UNC13D: variants seen among roughly 807,000 people sequenced by gnomAD.
UNC13D encodes protein unc-13 homolog D.
Under a neutral mutation model 151.7 loss-of-function variants are expected in UNC13D, and 115 were observed. The observed-to-expected ratio is 0.76, with a 90% CI of 0.65 to 0.88. UNC13D has a LOEUF of 0.88. Among genes scored for constraint, UNC13D ranks in the 40% least tolerant of loss-of-function variants. UNC13D has a pLI of 0.00. For synonymous variants in UNC13D, 588 were observed against 612.2 expected, an observed-to-expected ratio of 0.96 and a Z score of 0.58; for missense variants, 1,369 against 1,438.7, an observed-to-expected ratio of 0.95 and a Z score of 0.78.
In UNC13D at chr17:75,833,059, T is replaced by C. The variant is rs1478879357; in HGVS notation, c.2368-14A>G. 2 of 1,599,544 alleles carry C rather than the reference T, an allele frequency of 1.3e-6. No individual in the cohort carries two copies. Among genetic ancestry groups the C allele is most frequent in the Non-Finnish European group, 1.7e-6 (2 of 1,174,144 alleles). ...GGGCAGAATGGCCTGGGGAGGGAGATGGGGAGCAGGTGTGGCTCCGGCCCA... is the reference window on the plus strand; with the variant it reads ...GGGCAGAATGGCCTGGGGAGGGAGACGGGGAGCAGGTGTGGCTCCGGCCCA... On this transcript the variant is annotated splice_polypyrimidine_tract_variant and intron_variant, in intron 24 of 31. Coordinates refer to ENST00000207549, the MANE Select transcript of UNC13D (RefSeq NM_199242.3). The surrounding 1 kb of genome is among the most constrained non-coding windows in gnomAD (Gnocchi z 4.0).
At chr17:75,838,052 A>C (rs1397084220) in intron 12 of UNC13D, among the ~76,000 whole-genome samples, 5 of 151,970 alleles carry the variant, frequency 3.3e-5, no homozygotes, top group Non-Finnish European at 7.4e-5. Context: ...CTTGTCTCCG[A>C]ATCACCCACC....
rs749317896 is a variant in UNC13D, at chr17:75,836,604, C to G, written c.1266G>C (p.Ser422=). The G allele has an allele frequency of 6.2e-7, 1 of 1,613,710 alleles. No homozygotes were observed. The highest frequency in any genetic ancestry group is 8.5e-7 in the Non-Finnish European group (1 of 1,180,006). Residue 422 remains serine, a synonymous_variant, in exon 14 of 32, where the codon TCG becomes TCC. Coordinates refer to ENST00000207549, the MANE Select transcript of UNC13D (RefSeq NM_199242.3). ...GAGACTGCAGCCGGGCTGGGGAGTC[C>G]GAGACAGAGAGGGGGAAGACAGAGC... ...RFRSVFPLSV[S]DSPARLQSLL...
At chr17:75,829,863 CCACCA>C in intron 30 of UNC13D, 160 bp downstream of exon 30, 2 of 1,098,360 alleles carry the variant, frequency 1.8e-6, no homozygotes, top group East Asian at 5.3e-5. Context: ...CAGGTGTGAG[CCACCA>C]CATCCAGCTG....
In UNC13D at chr17:75,830,454, G is replaced by A. The variant is rs1331683767; in HGVS notation, c.2738C>T (p.Ala913Val). The A allele has an allele frequency of 1.3e-6, 2 of 1,588,242 alleles. No individual in the cohort carries two copies. Among genetic ancestry groups the A allele is most frequent in the Non-Finnish European group, 1.7e-6 (2 of 1,168,080 alleles). ...QAETTSEELG[A>V]VTVKASYRAS... Reference sequence around the variant, plus strand: ...GCGGTAGGAGGCCTTGACTGTCACAGCCCCCAGCTCCTCAGAGGTGGTTTC... The same window carrying A: ...GCGGTAGGAGGCCTTGACTGTCACAACCCCCAGCTCCTCAGAGGTGGTTTC... The change falls in exon 29 of 32, where the codon GCT (alanine) becomes GTT (valine). Residue 913 changes from alanine (A) to valine (V), a missense_variant. Physicochemically the swap from Ala to Val is moderately conservative, Grantham distance 64 (BLOSUM62 0). Transcript: ENST00000207549.
Position 75,832,833 on chromosome 17 carries a change from G to C in UNC13D, c.2447+133C>G, listed in dbSNP as rs1330787635. On this transcript the variant is annotated intron_variant, in intron 25 of 31. Coordinates refer to ENST00000207549, the MANE Select transcript of UNC13D (RefSeq NM_199242.3). The surrounding 1 kb of genome is among the most constrained non-coding windows in gnomAD (Gnocchi z 4.3). ...AGGAAAGAGGGGCCGTGGGAGGAGA[G>C]GGGGAGGTGGCGAGCGCGCCCAGGG... 1.4e-5 allele frequency: 11 copies of C among 788,466 alleles called. No homozygotes were observed. The highest frequency in any genetic ancestry group is 2.1e-5 in the Non-Finnish European group (10 of 471,996). 48.8% of individuals were successfully genotyped at this position (788,466 alleles called of 1,614,324 possible).
In UNC13D at chr17:75,836,570, A is replaced by C. The variant is rs1030766172; in HGVS notation, c.1298+2T>G. On this transcript the variant is annotated splice_donor_variant, in intron 14 of 31. Coordinates refer to ENST00000207549, the MANE Select transcript of UNC13D (RefSeq NM_199242.3). LOFTEE classifies it high-confidence loss of function. The stretch of plus-strand genomic sequence containing the variant: ...CCGAGGAAGAGGAAGGCAGCCACTG[A>C]CCTGAGAAGAGACTGCAGCCGGGCT... 1 of 1,613,574 alleles carries C rather than the reference A, an allele frequency of 6.2e-7. No homozygotes were observed. The highest frequency in any genetic ancestry group is 2.2e-5 in the East Asian group (1 of 44,874).
Position 75,836,378 on chromosome 17 carries a change from G to A in UNC13D, c.1350C>T (p.Asn450=). ...KMKAFGELCP[N]TAPLPQLVTE... is the part of the protein sequence containing the mutation. ...TCACCAGCTGGGGCAATGGGGCGGT[G>A]TTGGGGCACAGTTCTCCAAAGGCCT... Residue 450 remains asparagine, a synonymous_variant, in exon 15 of 32, where the codon AAC becomes AAT. Transcript: ENST00000207549. 6.2e-7 allele frequency: 1 copy of A among 1,613,966 alleles called. No individual in the cohort carries two copies. The highest frequency in any genetic ancestry group is 1.3e-5 in the African/African-American group (1 of 75,076).
rs778351366 is a variant in UNC13D at position 75,828,017 on chromosome 17, C to T, written c.3221G>A (p.Arg1074Gln). 41 of 1,592,886 alleles carry T rather than the reference C, an allele frequency of 2.6e-5. No homozygotes were observed. The highest frequency in any genetic ancestry group is 1.7e-4 in the Middle Eastern group (1 of 5,812). ...DREAQVFVRL[R>Q]RHRAKQASQH... ...GGAGGCCTGCTTGGCCCGGTGCCGC[C>T]GCAGCCTCACAAAGACCTGGGCTTC... Residue 1074 changes from arginine (R) to glutamine (Q), a missense_variant, in exon 32 of 32, where the codon CGG (arginine) becomes CAG (glutamine). Coordinates refer to ENST00000207549, the MANE Select transcript of UNC13D (RefSeq NM_199242.3).
Position 75,840,502 on chromosome 17 carries a change from C to T in UNC13D, c.753+5G>A, listed in dbSNP as rs1463088201. On this transcript the variant is annotated splice_donor_5th_base_variant and intron_variant, in intron 9 of 31. Transcript: ENST00000207549. The surrounding 1 kb of genome is among the most constrained non-coding windows in gnomAD (Gnocchi z 4.6). ...CTCCTGGGCCCCTTTCCTCATCCTCCTCACCTGCAGCCTCAGAACCACGTT... is the reference window on the plus strand; with the variant it reads ...CTCCTGGGCCCCTTTCCTCATCCTCTTCACCTGCAGCCTCAGAACCACGTT... The T allele has an allele frequency of 6.2e-7, 1 of 1,614,088 alleles. No homozygotes were observed. The highest frequency in any genetic ancestry group is 8.5e-7 in the Non-Finnish European group (1 of 1,180,002).
rs1323580639 is a variant in UNC13D at position 75,832,556 on chromosome 17, CCT to C, written c.2447+408_2447+409del. ...CACCGTGGGCAGGGACCACCTGTAACCTAATGGGGGCAGAGGAGCAGGCAGGG... is the reference window on the plus strand; with the variant it reads ...CACCGTGGGCAGGGACCACCTGTAACAATGGGGGCAGAGGAGCAGGCAGGG... On this transcript the variant is annotated intron_variant, in intron 25 of 31. Transcript: ENST00000207549. This position sits in a 1 kb window ranked among gnomAD's most constrained non-coding sequence, Gnocchi z 4.3. The C allele has an allele frequency of 9.2e-5, 16 of 173,174 alleles. No homozygotes were observed. The highest frequency in any genetic ancestry group is 3.1e-4 in the African/African-American group (13 of 42,460). The allele number at this position is 173,174 out of a possible 1,614,324, so 10.7% of individuals were successfully genotyped here.
In UNC13D at chr17:75,834,984, G is replaced by A. The variant is rs184046644; in HGVS notation, c.1928C>T (p.Thr643Ile). The A allele has an allele frequency of 8.7e-6, 14 of 1,614,150 alleles. No homozygotes were observed. In the Admixed American group the frequency reaches 1.7e-4, roughly 19 times the overall value. Residue 643 changes from threonine to isoleucine, a missense_variant, in exon 21 of 32, where the codon ACT becomes ATT. Around this residue, in one of 3 missense-constraint regions of UNC13D, gnomAD observed 807 missense variants for 795.5 expected, o/e 1.01. Transcript: ENST00000207549. ...LSTCFAQISHTARQLDWPDPE... is the reference protein window; with the variant it reads ...LSTCFAQISHIARQLDWPDPE... ...GTCTGGCCAGTCCAGCTGCCGGGCA[G>A]TGTGGCTGATCTGGGCAAAGCAGGT...
intron 21 of UNC13D, 30 bp downstream of exon 21, chr17:75,834,890 A>AG (rs779557817): frequency 2.5e-6 from 4 of 1,613,664 alleles, no homozygotes; most frequent in Admixed American, 3.3e-5. Context: ...TTCTAGAAAG[A>AG]GGGGGAAGGA....
Position 75,839,843 on chromosome 17 carries a change from T to A in UNC13D, c.1051A>T (p.Met351Leu). Residue 351 changes from methionine to leucine, a missense_variant, in exon 12 of 32, where the codon ATG becomes TTG. By Grantham distance (15) the Met-to-Leu change is conservative. Transcript: ENST00000207549. ...TGCCCAGGGCTGTGTACTCACGCCA[T>A]GGACTGGTGGAAGTCGGATAGGTCC... ...QKDLSDFHQS[M>L]AQWLAYSRLY... The A allele has an allele frequency of 6.2e-7, 1 of 1,613,704 alleles. No homozygotes were observed.
chr17:75,843,853 A>AG, intron 1 of UNC13D: 5 of 1,371,804 alleles, frequency 3.6e-6, no homozygotes, highest in African/African-American at 1.5e-5. Flanking sequence ...AGCGGAGGTG[A>AG]GGGGGGTGCC....
chr17:75,833,557 TACTC>T lies in UNC13D; in HGVS notation c.2367+514_2368-513del, dbSNP rs1423950129. Among the ~76,000 whole-genome samples, 1 of 152,240 alleles carries T rather than the reference TACTC, an allele frequency of 6.6e-6. No individual in the cohort carries two copies. Among genetic ancestry groups the T allele is most frequent in the Non-Finnish European group, 1.5e-5 (1 of 68,046 alleles). ...CTATAACTATCACTATAGTTATGGATACTCACTATGTAGCTCTTTTTTCACCTCC... is the reference window on the plus strand; with the variant it reads ...CTATAACTATCACTATAGTTATGGATACTATGTAGCTCTTTTTTCACCTCC... On this transcript the variant is annotated intron_variant, in intron 24 of 31. Coordinates refer to ENST00000207549, the MANE Select transcript of UNC13D (RefSeq NM_199242.3). This position sits in a 1 kb window ranked among gnomAD's most constrained non-coding sequence, Gnocchi z 4.0.
In UNC13D at chr17:75,840,339, G is replaced by A. The variant is rs183508320; in HGVS notation, c.754-10C>T. ...CTCGGCAGCGCAGGTCCTGACAGGC[G>A]GGGATGCCCAGCCCGTGAGCGTCAG... On this transcript the variant is annotated splice_polypyrimidine_tract_variant and intron_variant, in intron 9 of 31. Coordinates refer to ENST00000207549, the MANE Select transcript of UNC13D (RefSeq NM_199242.3). This position sits in a 1 kb window ranked among gnomAD's most constrained non-coding sequence, Gnocchi z 4.6. The A allele has an allele frequency of 1.5e-5, 25 of 1,612,932 alleles. No homozygotes were observed. The highest frequency in any genetic ancestry group is 3.4e-4 in the Middle Eastern group (2 of 5,806).
Position 75,836,276 on chromosome 17 carries a change from GAGCAGGGAGGGA to G in UNC13D, c.1390-32_1390-21del. On this transcript the variant is annotated intron_variant, in intron 15 of 31. Transcript: ENST00000207549. Reference sequence around the variant, plus strand: ...GCCAGTCTGTCGACAAAGAGGCAGTGAGCAGGGAGGGACTGCCAGGCCCAGGCGCTGGTCTCC... The same window carrying G: ...GCCAGTCTGTCGACAAAGAGGCAGTGCTGCCAGGCCCAGGCGCTGGTCTCC... 6.2e-7 allele frequency: 1 copy of G among 1,612,986 alleles called. No individual in the cohort carries two copies. The highest frequency in any genetic ancestry group is 1.1e-5 in the South Asian group (1 of 90,928).
chr17:75,844,232 T>C lies in UNC13D; in HGVS notation c.106A>G (p.Met36Val), dbSNP rs1358667977. 5 of 1,611,756 alleles carry C rather than the reference T, an allele frequency of 3.1e-6. No homozygotes were observed. The highest frequency in any genetic ancestry group is 1.7e-6 in the Non-Finnish European group (2 of 1,179,800). The change falls in exon 1 of 32, where the codon ATG (methionine) becomes GTG (valine). Residue 36 changes from methionine to valine, a missense_variant. By Grantham distance (21) the Met-to-Val change is conservative. Coordinates refer to ENST00000207549, the MANE Select transcript of UNC13D (RefSeq NM_199242.3). ...GAGGTCACTCCTACCTCCGGGGCCA[T>C]TTGGGGCGGGGGATCCTGTAGATCT... is the stretch of plus-strand genomic sequence containing the variant. ...VRDLQDPPPQ[M>V]APEIQPPSHH...
chr17:75,842,394 A>G, intron 6 of UNC13D, 39 bp downstream of exon 6: 1 of 1,590,328 alleles, frequency 6.3e-7, no homozygotes, highest in East Asian at 2.3e-5. Flanking sequence ...TACCCAGGAA[A>G]GACCTGGATA....
Sources: gnomAD v4.1 joint callset for allele counts (sites outside exome capture counted in the v4.1 genomes callset) on GRCh38, gnomAD v4.1.1 for gene constraint, gnomAD v4.1.1 regional missense constraint, Gnocchi (gnomAD v3.1) non-coding constraint, MANE v1.5 for transcripts, NCBI Gene and HGNC (gene_info 2026-07-23, HGNC 2026-07-21) for gene names.